The following PREX2 variants were observed in gnomAD, a reference collection of about 807,000 sequenced individuals.
PREX2 encodes the protein phosphatidylinositol-3,4,5-trisphosphate dependent Rac exchange factor 2.
In PREX2, 107 loss-of-function variants were observed where a neutral mutation model predicts 203.2. The observed-to-expected ratio is 0.53, with a 90% CI of 0.45 to 0.62. PREX2 has a LOEUF of 0.62. PREX2 is among the 20% of genes least tolerant of loss of function. The probability of loss-of-function intolerance (pLI) is 0.00; values close to 1 mark genes in which losing one functional copy is unlikely to be tolerated. For missense variants in PREX2, 1,777 were observed against 1,955.9 expected (o/e 0.91, Z 1.72); for synonymous variants, 672 against 663.6 (o/e 1.01, Z -0.19).
intron 39 of PREX2, among the ~76,000 whole-genome samples, chr8:68,229,953 T>A (rs1813134027): frequency 6.6e-6 from 1 of 152,250 alleles, no homozygotes; most frequent in South Asian, 2.1e-4. Flanking sequence ...GTCAATTGAA[T>A]GTATTCTTTT....
intron 15 of PREX2, among the ~76,000 whole-genome samples, chr8:68,079,557 A>T (rs149707346): frequency 2.1e-5 from 3 of 144,624 alleles, no homozygotes; most frequent in African/African-American, 7.7e-5. Flanking sequence ...ACAAAACCTA[A>T]CTTTTTCTGC....
At chr8:68,154,847 T>A (rs1811509207) in intron 34 of PREX2, among the ~76,000 whole-genome samples, 1 of 152,150 alleles carries the variant, frequency 6.6e-6, no homozygotes, top group South Asian at 2.1e-4. Context: ...TTCAGTGAGG[T>A]CCAGATACTT....
chr8:67,954,241 G>A (rs1805431329), intron 1 of PREX2, among the ~76,000 whole-genome samples: 1 of 151,950 alleles, frequency 6.6e-6, no homozygotes, highest in Admixed American at 6.6e-5. Flanking sequence ...CAGAATTTAT[G>A]GGCTCTTCCA....
At chr8:67,973,661 C>A (rs1183040351) in intron 1 of PREX2, among the ~76,000 whole-genome samples, 2 of 152,082 alleles carry the variant, frequency 1.3e-5, no homozygotes, top group Non-Finnish European at 2.9e-5. Context: ...TTGTTGGTAA[C>A]GCATATCTTA....
chr8:68,044,620 G>A (rs756830348), intron 8 of PREX2, 30 bp downstream of exon 8: 2 of 1,459,732 alleles, frequency 1.4e-6, no homozygotes, highest in South Asian at 1.1e-5. Flanking sequence ...TAAATGGGAT[G>A]CCAATAGTAA....
chr8:68,099,383 G>T (rs1174975390), intron 22 of PREX2, among the ~76,000 whole-genome samples: 1 of 151,996 alleles, frequency 6.6e-6, no homozygotes, highest in Non-Finnish European at 1.5e-5. Flanking sequence ...TATCCAGCAG[G>T]GAGTCTTTGA....
chr8:68,161,175 A>G (rs1406803358), intron 35 of PREX2, among the ~76,000 whole-genome samples: 7 of 151,600 alleles, frequency 4.6e-5, no homozygotes, highest in Non-Finnish European at 8.8e-5. Flanking sequence ...GCTCACTGCA[A>G]CCTCTGCCTC....
At chr8:68,047,241 A>G (rs1352606141) in intron 8 of PREX2, among the ~76,000 whole-genome samples, 1 of 151,562 alleles carries the variant, frequency 6.6e-6, no homozygotes, top group Admixed American at 6.6e-5. Flanking sequence ...TTTCTTTTTG[A>G]TGAGCTCAGG....
chr8:68,132,035 T>C (rs571478479), intron 31 of PREX2, among the ~76,000 whole-genome samples: 64 of 152,308 alleles, frequency 4.2e-4, no homozygotes, highest in African/African-American at 1.4e-3. Context: ...GTTTCTGTCG[T>C]GAACCTCAGT....
intron 1 of PREX2, among the ~76,000 whole-genome samples, chr8:67,994,694 A>G (rs1317986625): frequency 6.6e-6 from 1 of 152,216 alleles, no homozygotes; most frequent in Non-Finnish European, 1.5e-5. Context: ...TGGGAGAATC[A>G]GAGAAACATA....
chr8:67,978,159 C>A (rs1341685579), intron 1 of PREX2, among the ~76,000 whole-genome samples: 1 of 152,166 alleles, frequency 6.6e-6, no homozygotes, highest in Non-Finnish European at 1.5e-5. Context: ...GTGTCCACTG[C>A]AGAATTGATT....
At chr8:68,087,284 G>A (rs1183940771) in intron 18 of PREX2, among the ~76,000 whole-genome samples, 4 of 152,182 alleles carry the variant, frequency 2.6e-5, no homozygotes, top group African/African-American at 7.2e-5. Flanking sequence ...CACTTTGGGA[G>A]ACTGAGGTAG....
Position 68,119,618 on chromosome 8 carries a change from A to T in PREX2, c.3504+104A>T, listed in dbSNP as rs558087096. ...CTCAGAGTTAGAACAGAAAGGCCTC[A>T]ATCTGTCCTTCCACCTCCTTTACCT... On this transcript the variant is annotated intron_variant, in intron 28 of 39. Transcript: ENST00000288368. 1.3e-5 allele frequency: 10 copies of T among 789,114 alleles called. No individual in the cohort carries two copies. The Admixed American group carries it at 2.0e-4, about 16-fold the overall frequency. 48.9% of individuals were successfully genotyped at this position (789,114 alleles called of 1,614,324 possible). A position where few individuals can be genotyped will look rare whatever the true frequency, so the allele number is the denominator to read the frequency against.
At chr8:68,178,872 C>A (rs1236236263) in intron 35 of PREX2, among the ~76,000 whole-genome samples, 2 of 152,042 alleles carry the variant, frequency 1.3e-5, no homozygotes, top group African/African-American at 4.8e-5. Context: ...AGTTGTATTG[C>A]AATCAATAAA....
chr8:68,090,762 A>C (rs758175607), intron 20 of PREX2, 47 bp downstream of exon 20: 64 of 1,546,432 alleles, frequency 4.1e-5, no homozygotes, highest in Non-Finnish European at 5.5e-5. Context: ...TACTTGCATA[A>C]AGACCTAAGG....
intron 3 of PREX2, 56 bp downstream of exon 3, chr8:68,019,727 A>G: frequency 6.6e-7 from 1 of 1,521,426 alleles, no homozygotes; most frequent in East Asian, 2.3e-5. Context: ...TTTGAGATTT[A>G]GCTCTTGGCA....
intron 33 of PREX2, among the ~76,000 whole-genome samples, chr8:68,139,318 A>G (rs967228844): frequency 6.6e-6 from 1 of 152,054 alleles, no homozygotes; most frequent in Non-Finnish European, 1.5e-5. Context: ...AGTAATGGCG[A>G]TATCGGAGGA....
intron 2 of PREX2, among the ~76,000 whole-genome samples, chr8:68,018,423 C>T (rs1020979940): frequency 3.9e-5 from 6 of 151,940 alleles, no homozygotes; most frequent in Admixed American, 6.6e-5. Context: ...GCTGAGATGG[C>T]GCCATTGCAC....
chr8:67,966,501 A>G (rs1805782708), intron 1 of PREX2, among the ~76,000 whole-genome samples: 1 of 151,972 alleles, frequency 6.6e-6, no homozygotes, highest in South Asian at 2.1e-4. Context: ...CATAAAATGC[A>G]TCAATCTGGG....
Sources: allele counts gnomAD v4.1 joint callset (sites outside exome capture counted in the v4.1 genomes callset), GRCh38; gene constraint gnomAD v4.1.1; transcripts MANE v1.5; gene names NCBI Gene and HGNC (gene_info 2026-07-23, HGNC 2026-07-21).